Variants in USP39 observed in about 807,000 individuals in gnomAD.
The protein encoded by USP39 is ubiquitin specific peptidase 39, also known as ubiquitin carboxyl-terminal hydrolase 39.
A neutral mutation model predicts 66.4 loss-of-function variants in USP39; 38 were observed. That is an observed-to-expected ratio of 0.57 (90% CI 0.44 to 0.75). The LOEUF is 0.75. USP39 is among the 30% of genes least tolerant of loss of function. The pLI, the probability that USP39 is intolerant of heterozygous loss-of-function variation, is 0.00. For synonymous variants in USP39, 303 were observed against 274.6 expected (o/e 1.10, Z -1.02); for missense variants, 608 against 714.4 (o/e 0.85, Z 1.70).
At position 85,630,108 on chromosome 2, in the gene USP39, C is replaced by G. The variant is rs182784918; in HGVS notation, c.724-613C>G. Among the ~76,000 whole-genome samples the G allele has an allele frequency of 2.7e-3, 410 of 151,610 alleles. 4 individuals are homozygous for G. Among genetic ancestry groups the G allele is most frequent in the African/African-American group, 9.6e-3 (395 of 41,304 alleles). ...GTACCCAGTGTGTAGTCTTTTATCC[C>G]TCACCACCCCCCACACTCTTTCCCC... On this transcript the variant is annotated intron_variant, in intron 5 of 12. Coordinates refer to ENST00000323701, the MANE Select transcript of USP39 (RefSeq NM_006590.4).
upstream of USP39, chr2:85,609,149 G>A: frequency 3.9e-6 from 6 of 1,554,894 alleles, no homozygotes; most frequent in Non-Finnish European, 5.2e-6. Context: ...CACTCTCACA[G>A]AACTCCATTT....
chr2:85,633,216 G>T (rs1000709861), intron 6 of USP39, among the ~76,000 whole-genome samples: 1 of 152,006 alleles, frequency 6.6e-6, no homozygotes, highest in East Asian at 1.9e-4. Context: ...TGTCTCCCCA[G>T]TTCAAGCTAT....
At chr2:85,609,063 T>A (rs1268981734), upstream of USP39, 1 of 1,614,056 alleles carries the variant, frequency 6.2e-7, no homozygotes, top group Non-Finnish European at 8.5e-7. Context: ...TCCTGGGTCA[T>A]CACCCTACGT....
At chr2:85,613,471 C>A (rs1673708646), upstream of USP39, among the ~76,000 whole-genome samples, 1 of 152,148 alleles carries the variant, frequency 6.6e-6, no homozygotes, top group South Asian at 2.1e-4. Flanking sequence ...GAGATCGAGC[C>A]ACTGCAGTCC....
chr2:85,606,877 G>A (rs1673232950), intron 1 of USP39: 1 of 151,646 alleles, frequency 6.6e-6, no homozygotes, highest in African/African-American at 2.4e-5. Context: ...CGCCTTCCAG[G>A]TTTAGGTGAT....
intron 1 of USP39, among the ~76,000 whole-genome samples, chr2:85,605,076 A>G (rs1000033559): frequency 2.0e-5 from 3 of 152,172 alleles, no homozygotes; most frequent in Non-Finnish European, 4.4e-5. Flanking sequence ...TTCCAACTCT[A>G]ATGCTACATG....
Position 85,616,335 on chromosome 2 carries a change from C to G in USP39, c.140C>G (p.Pro47Arg), listed in dbSNP as rs968925369. 6.2e-7 allele frequency: 1 copy of G among 1,601,184 alleles called. No homozygotes were observed. Among genetic ancestry groups the G allele is most frequent in the Non-Finnish European group, 8.5e-7 (1 of 1,174,020 alleles). ...EPEAASSRGS[P>R]VRVKREFEPA... The stretch of plus-strand genomic sequence containing the variant: ...GAGGCGGCGAGCTCCCGGGGCAGCC[C>G]TGTGCGCGTGAAGCGGGAGTTCGAG... The change falls in exon 1 of 13, where the codon CCT becomes CGT. Residue 47 changes from proline (P) to arginine (R), a missense_variant. Pro to Arg is a moderately radical substitution (Grantham distance 103). Transcript: ENST00000323701.
upstream of USP39, chr2:85,609,624 GT>G: frequency 6.2e-7 from 1 of 1,612,084 alleles, no homozygotes; most frequent in Non-Finnish European, 8.5e-7. Flanking sequence ...AAGAGGGGGG[GT>G]GCTGCTGAAG....
intron 6 of USP39, among the ~76,000 whole-genome samples, chr2:85,632,755 C>T (rs1391025114): frequency 6.6e-6 from 1 of 151,822 alleles, no homozygotes; most frequent in African/African-American, 2.4e-5. Flanking sequence ...GCTCAACTAT[C>T]TTTTTTAAGA....
chr2:85,618,474 A>C (rs577329160), intron 1 of USP39, among the ~76,000 whole-genome samples: 1 of 148,080 alleles, frequency 6.8e-6, no homozygotes, highest in African/African-American at 2.5e-5. Flanking sequence ...AGGCAGGAGA[A>C]TTGCTTGAAT....
At chr2:85,636,168 C>T in intron 7 of USP39, 38 bp downstream of exon 7, 2 of 1,602,192 alleles carry the variant, frequency 1.2e-6, no homozygotes, top group Admixed American at 1.7e-5. Context: ...TATTTTGTTC[C>T]CTTTTAAAAA....
At chr2:85,618,810 C>T (rs1674215333) in intron 1 of USP39, among the ~76,000 whole-genome samples, 1 of 151,384 alleles carries the variant, frequency 6.6e-6, no homozygotes, top group Non-Finnish European at 1.5e-5. Flanking sequence ...GCTCTTGTCG[C>T]CCAGGCTGGA....
upstream of USP39, chr2:85,608,759 G>A (rs1673316043): frequency 2.1e-6 from 1 of 475,628 alleles, no homozygotes; most frequent in South Asian, 5.2e-5. Context: ...TGGGCAAATG[G>A]GTCAACATAT....
chr2:85,611,499 C>G, upstream of USP39: 1 of 1,550,732 alleles, frequency 6.4e-7, no homozygotes, highest in Non-Finnish European at 8.7e-7. Context: ...CGTCCCAGTT[C>G]TTGGTGAGAA....
At chr2:85,626,896 A>G (rs1674910341) in intron 5 of USP39, among the ~76,000 whole-genome samples, 1 of 151,124 alleles carries the variant, frequency 6.6e-6, no homozygotes, top group African/African-American at 2.4e-5. Context: ...TTTTGTAGAG[A>G]CAGGGTTGTA....
intron 4 of USP39, among the ~76,000 whole-genome samples, chr2:85,624,845 C>G (rs1213099788): frequency 1.3e-5 from 2 of 151,978 alleles, no homozygotes; most frequent in Admixed American, 1.3e-4. Context: ...TGCCTGTAAT[C>G]CCAGCTACTT....
chr2:85,639,092 C>T, intron 8 of USP39, 111 bp from the exon 9 acceptor site: 2 of 1,158,906 alleles, frequency 1.7e-6, no homozygotes, highest in Non-Finnish European at 2.4e-6. Flanking sequence ...TCGGGCACTT[C>T]TCTTTGTTCT....
intron 11 of USP39, among the ~76,000 whole-genome samples, chr2:85,646,921 C>T (rs58588820): frequency 0.45 from 64,840 of 145,656 alleles, 17,000 homozygotes; most frequent in African/African-American, 0.74. Context: ...AGAGTCTCAC[C>T]CTATCACCCA....
chr2:85,640,702 T>G (rs902394198), intron 9 of USP39, among the ~76,000 whole-genome samples: 3 of 150,164 alleles, frequency 2.0e-5, no homozygotes, highest in Non-Finnish European at 4.4e-5. Flanking sequence ...CGAACTCCTG[T>G]GCTGAAATGA....
Sources: gnomAD v4.1 joint callset for allele counts (sites outside exome capture counted in the v4.1 genomes callset) on GRCh38, gnomAD v4.1.1 for gene constraint, MANE v1.5 for transcripts, NCBI Gene and HGNC (gene_info 2026-07-23, HGNC 2026-07-21) for gene names.